Variants in MAD2L2 observed in about 807,000 individuals in gnomAD.
MAD2L2 encodes mitotic spindle assembly checkpoint protein MAD2B.
A neutral mutation model predicts 30.5 loss-of-function variants in MAD2L2; 17 were observed. The observed-to-expected ratio is 0.56, with a 90% confidence interval of 0.38 to 0.84. The LOEUF (loss-of-function observed/expected upper bound fraction) is 0.84, where lower values mean the gene tolerates loss of function less well. Among genes scored for constraint, MAD2L2 ranks in the 40% least tolerant of loss-of-function variants. MAD2L2 has a pLI of 0.00. For missense variants in MAD2L2, 213 were observed against 277.4 expected, an observed-to-expected ratio of 0.77 and a Z score of 1.65; for synonymous variants, 101 against 113.9, an observed-to-expected ratio of 0.89 and a Z score of 0.72.
rs1424838954 is a variant in MAD2L2, at chr1:11,688,652, A to G, written c.-692+2761T>C. ...TGCTCATGGTCCCTCTAAAAAGCTC[A>G]AGTCCTCCCTGTGGCCTTTGCAGGC... On this transcript the variant is annotated intron_variant, in intron 1 of 10. Coordinates refer to the MAD2L2 transcript ENST00000235310. This position sits in a 1 kb window ranked among gnomAD's most constrained non-coding sequence, Gnocchi z 4.6. 6.6e-6 allele frequency among the ~76,000 whole-genome samples: 1 copy of G among 152,156 alleles called. No homozygotes were observed. The highest frequency in any genetic ancestry group is 1.5e-5 in the Non-Finnish European group (1 of 68,026).
Position 11,680,476 on chromosome 1 carries a change from AG to A in MAD2L2, c.41-6del, listed in dbSNP as rs749291186. 14 of 1,610,532 alleles carry A rather than the reference AG, an allele frequency of 8.7e-6. No individual in the cohort carries two copies. Among genetic ancestry groups the A allele is most frequent in the African/African-American group, 2.7e-5 (2 of 74,826 alleles). ...CGCAGAGCACATCGGCCACCACTGC[AG>A]GGGGGCACAAGCCGGTGGCGCGCTC... On this transcript the variant is annotated splice_region_variant and splice_polypyrimidine_tract_variant and intron_variant, in intron 2 of 8. Transcript: ENST00000376692.
chr1:11,680,485 C>T lies in MAD2L2; in HGVS notation c.41-14G>A. ...CATCGGCCACCACTGCAGGGGGGCA[C>T]AAGCCGGTGGCGCGCTCGAGGAAGC... is the stretch of plus-strand genomic sequence containing the variant. On this transcript the variant is annotated splice_polypyrimidine_tract_variant and intron_variant, in intron 2 of 8. Transcript: ENST00000376692. 1 of 1,584,742 alleles carries T rather than the reference C, an allele frequency of 6.3e-7. No homozygotes were observed. The highest frequency in any genetic ancestry group is 8.6e-7 in the Non-Finnish European group (1 of 1,167,706).
intron 1 of MAD2L2, 176 bp from the exon 2 acceptor site, chr1:11,680,789 G>T: frequency 9.7e-6 from 13 of 1,343,568 alleles, no homozygotes; most frequent in Non-Finnish European, 1.2e-5. Flanking sequence ...GTCCGTGCTT[G>T]GGGGCATCAG....
chr1:11,680,408 T>G lies in MAD2L2; in HGVS notation c.104A>C (p.Glu35Ala). Reference protein sequence around the residue: ...VAVHLILYVREVYPVGIFQKR... With the variant: ...VAVHLILYVRAVYPVGIFQKR... ...CTGGAAGATGCCCACGGGGTAGACCTCGCGCACGTAGAGGATGAGATGCAC... is the reference window on the plus strand; with the variant it reads ...CTGGAAGATGCCCACGGGGTAGACCGCGCGCACGTAGAGGATGAGATGCAC... Residue 35 changes from glutamate (E) to alanine (A), a missense_variant, in exon 3 of 9, where the codon GAG becomes GCG. Transcript: ENST00000376692. 1 of 1,613,976 alleles carries G rather than the reference T, an allele frequency of 6.2e-7. No individual in the cohort carries two copies. The highest frequency in any genetic ancestry group is 8.5e-7 in the Non-Finnish European group (1 of 1,179,956).
At chr1:11,685,335 T>C (rs567286497), upstream of MAD2L2, among the ~76,000 whole-genome samples, 2 of 152,312 alleles carry the variant, frequency 1.3e-5, no homozygotes, top group South Asian at 4.1e-4. Context: ...CTTGCCTGAC[T>C]TGAATCCCAA....
At chr1:11,676,826 G>A in intron 5 of MAD2L2, 22 bp downstream of exon 5, 1 of 1,595,926 alleles carries the variant, frequency 6.3e-7, no homozygotes, top group Non-Finnish European at 8.6e-7. Context: ...CAGCTAGTGG[G>A]CGAGGGGCAG....
At chr1:11,680,182 G>A (rs1431138175) in intron 3 of MAD2L2, among the ~76,000 whole-genome samples, 171 bp downstream of exon 3, 1 of 151,582 alleles carries the variant, frequency 6.6e-6, no homozygotes, top group Non-Finnish European at 1.5e-5. Context: ...TTTTAGTAGA[G>A]ACGGGGTTTC....
intron 2 of MAD2L2, 44 bp downstream of exon 2, chr1:11,680,518 C>T: frequency 1.9e-6 from 3 of 1,610,404 alleles, no homozygotes; most frequent in Non-Finnish European, 2.5e-6. Flanking sequence ...AGCCCGCCGG[C>T]CCAGACGCCC....
intron 7 of MAD2L2, 145 bp from the exon 8 acceptor site, chr1:11,675,319 CG>C (rs748126606): frequency 1.6e-4 from 98 of 614,710 alleles, no homozygotes; most frequent in African/African-American, 3.2e-4. Context: ...ACCCCAGGAC[CG>C]CCCCCATCCC....
At chr1:11,683,563 C>G (rs544360186), upstream of MAD2L2, among the ~76,000 whole-genome samples, 37 of 152,012 alleles carry the variant, frequency 2.4e-4, no homozygotes, top group Admixed American at 6.6e-4. Context: ...AGGTGAGGGA[C>G]AAAAGACTAC....
chr1:11,683,348 A>G (rs535294175), upstream of MAD2L2, among the ~76,000 whole-genome samples: 30 of 152,312 alleles, frequency 2.0e-4, no homozygotes, highest in African/African-American at 6.5e-4. Context: ...CCTTGGGGAA[A>G]CTGAGGTCCC....
chr1:11,685,037 C>T (rs1440401941), upstream of MAD2L2, among the ~76,000 whole-genome samples: 2 of 151,944 alleles, frequency 1.3e-5, no homozygotes, highest in Non-Finnish European at 2.9e-5. Flanking sequence ...AAGGGATCCT[C>T]CTACCTCAGC....
rs375899265 is a variant in MAD2L2, at chr1:11,675,834, A to G, written c.428-103T>C. On this transcript the variant is annotated intron_variant, in intron 6 of 8. Coordinates refer to ENST00000376692, the MANE Select transcript of MAD2L2 (RefSeq NM_006341.4). ...CTTGCTGGCTCAGCAGCACCCCCAG[A>G]GCAGATGGCAAAGCAAGTGCTAAGA... is the stretch of plus-strand genomic sequence containing the variant. 7 of 1,040,140 alleles carry G rather than the reference A, an allele frequency of 6.7e-6. 1 individual carries two copies. The highest frequency in any genetic ancestry group is 3.0e-6 in the Non-Finnish European group (2 of 657,462). 64.4% of individuals were successfully genotyped at this position (1,040,140 alleles called of 1,614,324 possible).
chr1:11,677,447 GTCCTAGCT>G (rs769815552), intron 4 of MAD2L2, 88 bp downstream of exon 4: 21 of 1,210,024 alleles, frequency 1.7e-5, no homozygotes, highest in Non-Finnish European at 2.6e-5. Flanking sequence ...ACCCCACAGA[GTCCTAGCT>G]TCACCCCATC....
At chr1:11,683,800 C>T (rs1196792498), upstream of MAD2L2, among the ~76,000 whole-genome samples, 1 of 152,016 alleles carries the variant, frequency 6.6e-6, no homozygotes. Context: ...GGAGAAACCC[C>T]ATCTCTACTA....
rs766344284 is a variant in MAD2L2, at chr1:11,677,632, C to G, written c.160-18G>C. ...CAGGACATCTGCACACAATACCATGCGGCTCGTGAGGCCCAAAGCACAGAT... is the reference window on the plus strand; with the variant it reads ...CAGGACATCTGCACACAATACCATGGGGCTCGTGAGGCCCAAAGCACAGAT... On this transcript the variant is annotated intron_variant, in intron 3 of 8. Transcript: ENST00000376692. 1 of 1,607,292 alleles carries G rather than the reference C, an allele frequency of 6.2e-7. No homozygotes were observed. Among genetic ancestry groups the G allele is most frequent in the African/African-American group, 1.3e-5 (1 of 74,826 alleles).
In MAD2L2 at chr1:11,675,144, C is replaced by T. The variant is rs1640736872; in HGVS notation, c.532G>A (p.Asp178Asn). The change falls in exon 8 of 9, where the codon GAT (aspartate) becomes AAT (asparagine). Residue 178 changes from aspartate (D) to asparagine (N), a missense_variant. Transcript: ENST00000376692. ...AGCCGGGGGTCATGCATGTGGACAT[C>T]CTGCTCATCCGCCAGGATCCAGGGG... The part of the protein sequence containing the change: ...DFPWILADEQ[D>N]VHMHDPRLIP... 6.2e-7 allele frequency: 1 copy of T among 1,603,968 alleles called. No homozygotes were observed. The highest frequency in any genetic ancestry group is 1.7e-5 in the Admixed American group (1 of 58,334).
At position 11,676,147 on chromosome 1, in the gene MAD2L2, G is replaced by A. The variant is rs2100706945; in HGVS notation, c.333-7C>T. 6.3e-7 allele frequency: 1 copy of A among 1,575,496 alleles called. No individual in the cohort carries two copies. The highest frequency in any genetic ancestry group is 8.7e-7 in the Non-Finnish European group (1 of 1,155,458). ...AGACAACAGCGAGTCTGAGCTGGGA[G>A]TGAGAGGAGGTCTTCCCATCACACT... On this transcript the variant is annotated splice_region_variant and splice_polypyrimidine_tract_variant and intron_variant, in intron 5 of 8. Transcript: ENST00000376692.
At chr1:11,685,213 G>A (rs1334760293), upstream of MAD2L2, among the ~76,000 whole-genome samples, 1 of 152,128 alleles carries the variant, frequency 6.6e-6, no homozygotes, top group Non-Finnish European at 1.5e-5. Flanking sequence ...TTACAGGCTT[G>A]AGCCACCATG....
Sources: allele counts gnomAD v4.1 joint callset (sites outside exome capture counted in the v4.1 genomes callset), GRCh38; gene constraint gnomAD v4.1.1; non-coding constraint Gnocchi (gnomAD v3.1); transcripts MANE v1.5; gene names NCBI Gene and HGNC (gene_info 2026-07-23, HGNC 2026-07-21).